The following KLRG1 variants were observed in gnomAD, a reference collection of about 807,000 sequenced individuals.
KLRG1 encodes killer cell lectin-like receptor subfamily G member 1.
KLRG1 carries 16 observed loss-of-function variants against 21.8 expected under a neutral mutation model. The observed-to-expected ratio is 0.73, with a 90% CI of 0.50 to 1.11. The LOEUF is 1.11. KLRG1 is among the 50% of genes most tolerant of loss of function. The pLI is 0.00. For missense variants in KLRG1, 173 were observed against 218.3 expected (o/e 0.79, Z 1.31); for synonymous variants, 69 against 75.9 (o/e 0.91, Z 0.47).
the KLRG1 span, among the ~76,000 whole-genome samples, chr12:9,127,538 C>G: frequency 6.6e-6 from 1 of 152,190 alleles, no homozygotes; most frequent in East Asian, 1.9e-4. Context: ...CTGCAGCTTT[C>G]GCCAGTCATT....
At chr12:9,111,962 G>A in the KLRG1 span, 1 of 747,472 alleles carries the variant, frequency 1.3e-6, no homozygotes, top group Non-Finnish European at 2.5e-6. Context: ...CTGAGTACCA[G>A]CACCAAGACA....
rs776169206 is a variant in KLRG1 at position 9,010,004 on chromosome 12, C to A, written c.*467C>A. ...GTATATTTCTATCCTAACAGTGTCC[C>A]TTTGCAGATCAAGCTTTATTCTGAA... On this transcript the variant is annotated 3_prime_UTR_variant, in exon 5 of 5. Coordinates refer to ENST00000356986, the MANE Select transcript of KLRG1 (RefSeq NM_005810.4). The A allele has an allele frequency of 3.9e-6, 6 of 1,534,400 alleles. No homozygotes were observed. In the East Asian group the frequency reaches 1.2e-4, roughly 31 times the overall value.
At chr12:9,187,408 C>A in the KLRG1 span, among the ~76,000 whole-genome samples, 37 of 152,306 alleles carry the variant, frequency 2.4e-4, no homozygotes, top group Admixed American at 2.0e-3. Flanking sequence ...CGGCACTACT[C>A]TAAAACCGAT....
chr12:9,195,870 A>T, the KLRG1 span, among the ~76,000 whole-genome samples: 1 of 79,384 alleles, frequency 1.3e-5, no homozygotes. Context: ...ATAAAAATAT[A>T]ATAATAATAA....
At position 9,010,202 on chromosome 12, in the gene KLRG1, T is replaced by A. The variant is rs1346131218; in HGVS notation, c.*665T>A. On this transcript the variant is annotated 3_prime_UTR_variant, in exon 5 of 5. Transcript: ENST00000356986. Reference sequence around the variant, plus strand: ...CTCCATCTCTAAAAAAAAAAAAAAATGCTAATGTGAGAATATAAATTGTGG... The same window carrying A: ...CTCCATCTCTAAAAAAAAAAAAAAAAGCTAATGTGAGAATATAAATTGTGG... 2 of 510,108 alleles carry A rather than the reference T, an allele frequency of 3.9e-6. No individual in the cohort carries two copies. Among genetic ancestry groups the A allele is most frequent in the Admixed American group, 3.4e-5 (1 of 29,032 alleles). The allele number at this position is 510,108 out of a possible 1,614,324, so 31.6% of individuals were successfully genotyped here. A position where few individuals can be genotyped will look rare whatever the true frequency, so the allele number is the denominator to read the frequency against.
intron 1 of KLRG1, among the ~76,000 whole-genome samples, chr12:8,953,355 T>C (rs770570455): frequency 2.0e-5 from 3 of 152,172 alleles, no homozygotes; most frequent in East Asian, 1.9e-4. Context: ...TTTGTGAGTA[T>C]GCAAAAACAG....
chr12:9,203,703 C>G, the KLRG1 span: 3 of 1,557,386 alleles, frequency 1.9e-6, no homozygotes, highest in Non-Finnish European at 2.6e-6. Flanking sequence ...GCTCCATCAC[C>G]ATGACCTATA....
upstream of KLRG1, among the ~76,000 whole-genome samples, chr12:8,984,648 A>G (rs146261727): frequency 3.3e-5 from 5 of 152,296 alleles, no homozygotes; most frequent in African/African-American, 1.2e-4. Context: ...AGATTCTTCA[A>G]ATTTTTATTC....
At chr12:9,206,470 T>C in the KLRG1 span, among the ~76,000 whole-genome samples, 1 of 152,228 alleles carries the variant, frequency 6.6e-6, no homozygotes, top group East Asian at 1.9e-4. Context: ...TGTTTTAATA[T>C]ATGTTTACTC....
chr12:9,074,087 TAA>T, the KLRG1 span, among the ~76,000 whole-genome samples: 141 of 131,564 alleles, frequency 1.1e-3, 2 homozygotes, highest in African/African-American at 3.6e-3. Context: ...GACTCTGTCT[TAA>T]AAAAAAAAAA....
chr12:9,169,406 G>A, the KLRG1 span: 70 of 1,550,726 alleles, frequency 4.5e-5, 1 homozygote, highest in Middle Eastern at 8.7e-4. Flanking sequence ...AAGCCAGCAT[G>A]TTAATAAGTA....
At chr12:9,070,945 C>G in the KLRG1 span, among the ~76,000 whole-genome samples, 2 of 152,062 alleles carry the variant, frequency 1.3e-5, no homozygotes, top group African/African-American at 2.4e-5. Context: ...CTCAGCCTCC[C>G]GAGTAGCTGG....
At chr12:8,956,858 G>C (rs1032528076) in intron 1 of KLRG1, among the ~76,000 whole-genome samples, 3 of 152,194 alleles carry the variant, frequency 2.0e-5, no homozygotes, top group Non-Finnish European at 2.9e-5. Flanking sequence ...ACCTGATCCA[G>C]CCACAGCTTC....
downstream of KLRG1, among the ~76,000 whole-genome samples, chr12:9,011,902 A>C (rs2377677): frequency 0.065 from 9,866 of 152,270 alleles, 473 homozygotes; most frequent in African/African-American, 0.13. Context: ...GAAATCAGCC[A>C]GTGCCCACAG....
the KLRG1 span, chr12:9,165,907 G>T: frequency 1.1e-6 from 1 of 933,720 alleles, no homozygotes; most frequent in Non-Finnish European, 1.6e-6. Context: ...CTATGCAATT[G>T]CGCATTTTAC....
the KLRG1 span, chr12:9,154,666 TCA>T: frequency 2.5e-6 from 4 of 1,614,166 alleles, no homozygotes; most frequent in Non-Finnish European, 3.4e-6. Flanking sequence ...ATGATCCACT[TCA>T]CAATGTTAGT....
intron 2 of KLRG1, 128 bp from the exon 3 acceptor site, chr12:8,994,991 C>G (rs1947085373): frequency 6.7e-6 from 5 of 748,680 alleles, no homozygotes; most frequent in Non-Finnish European, 1.0e-5. Flanking sequence ...ACACATTTCT[C>G]TAACCCTTAA....
upstream of KLRG1, chr12:8,987,293 C>T (rs539900168): frequency 2.0e-5 from 3 of 152,132 alleles, no homozygotes; most frequent in Non-Finnish European, 4.4e-5. Flanking sequence ...AATCAGGTTA[C>T]AAGGGTGGGG....
chr12:9,089,336 T>C, the KLRG1 span: 2 of 978,528 alleles, frequency 2.0e-6, no homozygotes, highest in Non-Finnish European at 3.2e-6. Context: ...GATATTTGGA[T>C]AGTGAAGAGA....
Sources: allele counts gnomAD v4.1 joint callset (sites outside exome capture counted in the v4.1 genomes callset), GRCh38; gene constraint gnomAD v4.1.1; transcripts MANE v1.5; gene names NCBI Gene and HGNC (gene_info 2026-07-23, HGNC 2026-07-21).